Variants in C1orf174 observed in about 807,000 individuals in gnomAD.
The protein encoded by C1orf174 is chromosome 1 open reading frame 174, also known as UPF0688 protein C1orf174.
C1orf174 carries 13 observed loss-of-function variants against 18.4 expected under a neutral mutation model. The ratio of observed to expected loss-of-function variants is 0.71; its 90% CI spans 0.46 to 1.12. C1orf174 has a LOEUF of 1.12. C1orf174 is among the 50% of genes most tolerant of loss of function. The pLI, the probability that C1orf174 is intolerant of heterozygous loss-of-function variation, is 0.00. For synonymous variants in C1orf174, 100 were observed against 118.3 expected, an observed-to-expected ratio of 0.85 and a Z score of 1.01; for missense variants, 309 against 308.0, an observed-to-expected ratio of 1.00 and a Z score of -0.02.
chr1:3,889,920 AATGGTACTAAATACT>A lies in C1orf174; in HGVS notation c.*25_*39del, dbSNP rs763043878. 1 of 1,469,752 alleles carries A rather than the reference AATGGTACTAAATACT, an allele frequency of 6.8e-7. No individual in the cohort carries two copies. The highest frequency in any genetic ancestry group is 1.1e-5 in the South Asian group (1 of 88,190). The allele number at this position is 1,469,752 out of a possible 1,614,324, so 91.0% of individuals were successfully genotyped here. A position where few individuals can be genotyped will look rare whatever the true frequency, so the allele number is the denominator to read the frequency against. On this transcript the variant is annotated 3_prime_UTR_variant, in exon 4 of 4. Coordinates refer to ENST00000361605, the MANE Select transcript of C1orf174 (RefSeq NM_207356.3). ...TAATGTGCTAAATTGTCAAATTGTT[AATGGTACTAAATACT>A]CAAGGACATTATTTTGTATGGCCCC... is the stretch of plus-strand genomic sequence containing the variant.
intron 1 of C1orf174, among the ~76,000 whole-genome samples, chr1:3,893,836 G>A (rs926834952): frequency 6.6e-6 from 1 of 152,214 alleles, no homozygotes; most frequent in Admixed American, 6.5e-5. Flanking sequence ...GTCTGAGGCT[G>A]TAGTGAGCTA....
intron 2 of C1orf174, 165 bp downstream of exon 2, chr1:3,892,718 G>C (rs1161680010): frequency 6.9e-7 from 1 of 1,455,934 alleles, no homozygotes; most frequent in Non-Finnish European, 9.1e-7. Flanking sequence ...GTCTTTCTCT[G>C]AAGGCAATTA....
rs773042127 is a variant in C1orf174, at chr1:3,889,977, C to T, written c.715G>A (p.Asp239Asn). The T allele has an allele frequency of 1.9e-5, 31 of 1,613,238 alleles. No homozygotes were observed. The highest frequency in any genetic ancestry group is 9.4e-5 in the African/African-American group (7 of 74,862). Residue 239 changes from aspartate to asparagine, a missense_variant, in exon 4 of 4, where the codon GAT (aspartate) becomes AAT (asparagine). Physicochemically the swap from Asp to Asn is conservative, Grantham distance 23. Transcript: ENST00000361605. ...TATGGCCCCTACATTTCTGCATCAT[C>T]GTCGTCGTCATCATCATCATCTTTG... ...RAKDDDDDDD[D>N]DAEM
Position 3,889,965 on chromosome 1 carries a change from T to C in C1orf174, c.727A>G (p.Met243Val). ...GACATTATTTTGTATGGCCCCTACA[T>C]TTCTGCATCATCGTCGTCGTCATCA... Reference protein sequence around the residue: ...DDDDDDDDAEM With the variant: ...DDDDDDDDAEV Residue 243 changes from methionine (M) to valine (V), a missense_variant, in exon 4 of 4, where the codon ATG becomes GTG. Physicochemically the swap from Met to Val is conservative, Grantham distance 21. Transcript: ENST00000361605. 6.2e-7 allele frequency: 1 copy of C among 1,613,890 alleles called. No homozygotes were observed. The highest frequency in any genetic ancestry group is 2.2e-5 in the East Asian group (1 of 44,890).
chr1:3,896,304 C>G (rs1016261236), intron 1 of C1orf174: 1 of 152,720 alleles, frequency 6.5e-6, no homozygotes, highest in African/African-American at 2.4e-5. Flanking sequence ...TAAGCCTCTG[C>G]AAGAGGCTCC....
intron 1 of C1orf174, among the ~76,000 whole-genome samples, chr1:3,899,361 T>C (rs1315706938): frequency 1.3e-5 from 2 of 152,164 alleles, no homozygotes; most frequent in Non-Finnish European, 2.9e-5. Context: ...GCCACTCCAT[T>C]TGAACAAACC....
At chr1:3,899,376 G>C (rs921746165) in intron 1 of C1orf174, among the ~76,000 whole-genome samples, 3 of 152,190 alleles carry the variant, frequency 2.0e-5, no homozygotes, top group Non-Finnish European at 4.4e-5. Context: ...CAAACCAGGA[G>C]AGCCTCCATG....
intron 1 of C1orf174, among the ~76,000 whole-genome samples, chr1:3,893,665 TAGG>T (rs1330654053): frequency 2.0e-5 from 3 of 152,128 alleles, no homozygotes; most frequent in Non-Finnish European, 4.4e-5. Context: ...GAAGCTGAGG[TAGG>T]AGGATCGCTC....
chr1:3,889,790 T>G lies in C1orf174; in HGVS notation c.*170A>C. ...TGGTTTGAGTTTTAGTTCCCATGAG[T>G]ACATCCTCCACAGGTATTGGGTGCT... On this transcript the variant is annotated 3_prime_UTR_variant, in exon 4 of 4. Transcript: ENST00000361605. The G allele has an allele frequency of 1.5e-6, 1 of 670,018 alleles. No homozygotes were observed. Among genetic ancestry groups the G allele is most frequent in the Non-Finnish European group, 2.7e-6 (1 of 374,832 alleles). The allele number at this position is 670,018 out of a possible 1,614,324, so 41.5% of individuals were successfully genotyped here.
chr1:3,898,849 A>G (rs944568837), intron 1 of C1orf174, among the ~76,000 whole-genome samples: 4 of 152,266 alleles, frequency 2.6e-5, no homozygotes, highest in African/African-American at 4.8e-5. Flanking sequence ...AGTAATAATG[A>G]TAACACAGTA....
chr1:3,891,116 A>G, intron 2 of C1orf174, 59 bp from the exon 3 acceptor site: 1 of 1,514,492 alleles, frequency 6.6e-7, no homozygotes, highest in Non-Finnish European at 8.8e-7. Flanking sequence ...AACAGGCCTC[A>G]ATCCAGAGGC....
At chr1:3,899,127 G>GC (rs1638660611) in intron 1 of C1orf174, among the ~76,000 whole-genome samples, 1 of 151,996 alleles carries the variant, frequency 6.6e-6, no homozygotes, top group Non-Finnish European at 1.5e-5. Context: ...AAGGAACAGG[G>GC]GAAGAAAAAG....
intron 1 of C1orf174, 144 bp from the exon 2 acceptor site, chr1:3,893,140 C>T (rs531610343): frequency 1.3e-4 from 107 of 841,242 alleles, no homozygotes; most frequent in South Asian, 7.9e-4. Flanking sequence ...AGCTGTGGCC[C>T]GAATGTGTAA....
intron 1 of C1orf174, among the ~76,000 whole-genome samples, chr1:3,899,918 G>A (rs1401165522): frequency 6.6e-6 from 1 of 151,892 alleles, no homozygotes; most frequent in Non-Finnish European, 1.5e-5. Context: ...CTTCTCCCGG[G>A]GACGTGACCT....
chr1:3,890,097 TTCAG>T (rs766017047), intron 3 of C1orf174, 24 bp from the exon 4 acceptor site: 2 of 1,587,918 alleles, frequency 1.3e-6, no homozygotes, highest in South Asian at 2.2e-5. Context: ...AAAACATGAC[TTCAG>T]TCATGAGCAA....
chr1:3,897,455 G>A (rs1052371053), intron 1 of C1orf174, among the ~76,000 whole-genome samples: 7 of 152,100 alleles, frequency 4.6e-5, no homozygotes, highest in South Asian at 2.1e-4. Context: ...AAGACAGATC[G>A]ATAGATTATG....
Position 3,900,234 on chromosome 1 carries a change from C to A in C1orf174, c.-48G>T, listed in dbSNP as rs758090945. 2.6e-6 allele frequency: 4 copies of A among 1,543,368 alleles called. No homozygotes were observed. The East Asian group carries it at 1.0e-4, about 38-fold the overall frequency. On this transcript the variant is annotated 5_prime_UTR_variant, in exon 1 of 4. Coordinates refer to ENST00000361605, the MANE Select transcript of C1orf174 (RefSeq NM_207356.3). ...CACCGCGCGCCCCGGCCAACGCGTCCCGGCGGAGCGGCGACCCGGAGTCTG... is the reference window on the plus strand; with the variant it reads ...CACCGCGCGCCCCGGCCAACGCGTCACGGCGGAGCGGCGACCCGGAGTCTG...
Position 3,900,191 on chromosome 1 carries a change from G to A in C1orf174, c.-5C>T, listed in dbSNP as rs373457217. ...CCTCACCTTCCGGCTCCTCATGAGT[G>A]TGAGCACCGCAGCCAAGCACCGCGC... is the stretch of plus-strand genomic sequence containing the variant. On this transcript the variant is annotated 5_prime_UTR_variant, in exon 1 of 4. Coordinates refer to ENST00000361605, the MANE Select transcript of C1orf174 (RefSeq NM_207356.3). 6 of 1,584,744 alleles carry A rather than the reference G, an allele frequency of 3.8e-6. No individual in the cohort carries two copies. Among genetic ancestry groups the A allele is most frequent in the Non-Finnish European group, 5.1e-6 (6 of 1,174,222 alleles).
chr1:3,894,624 G>T (rs201758971), intron 1 of C1orf174, among the ~76,000 whole-genome samples: 1 of 111,260 alleles, frequency 9.0e-6, no homozygotes, highest in East Asian at 2.6e-4. Context: ...AAAAAAAAAA[G>T]AAATAATCTG....
Sources: allele counts gnomAD v4.1 joint callset (sites outside exome capture counted in the v4.1 genomes callset), GRCh38; gene constraint gnomAD v4.1.1; transcripts MANE v1.5; gene names NCBI Gene and HGNC (gene_info 2026-07-23, HGNC 2026-07-21).